The following ADAMTS3 variants were observed in gnomAD, a reference collection of about 807,000 sequenced individuals.
ADAMTS3 encodes the protein A disintegrin and metalloproteinase with thrombospondin motifs 3.
ADAMTS3 carries 73 observed loss-of-function variants against 129.0 expected under a neutral mutation model. The ratio of observed to expected loss-of-function variants is 0.57; its 90% CI spans 0.47 to 0.69. The LOEUF is 0.69. ADAMTS3 is among the 30% of genes least tolerant of loss of function. The pLI is 0.00. For missense variants in ADAMTS3, 1,457 were observed against 1,514.5 expected (o/e 0.96, Z 0.63); for synonymous variants, 477 against 510.8 (o/e 0.93, Z 0.89).
chr4:72,290,888 G>A lies in ADAMTS3; in HGVS notation c.2898C>T (p.Cys966=), dbSNP rs1201168351. 3.0e-5 allele frequency: 49 copies of A among 1,613,826 alleles called. No individual in the cohort carries two copies. Among genetic ancestry groups the A allele is most frequent in the Non-Finnish European group, 4.1e-5 (48 of 1,179,938 alleles). ...AGGGTCCTGTTTTCCACTGTGCAGG[G>A]CAGGGCACTCTGTTACAGGGCCGGC... ...ESRRPCNRVP[C]PAQWKTGPWS... Residue 966 remains cysteine (C), a synonymous_variant, in exon 20 of 22, where the codon TGC becomes TGT. Coordinates refer to ENST00000286657, the MANE Select transcript of ADAMTS3 (RefSeq NM_014243.3).
rs1720744129 is a variant in ADAMTS3 at position 72,524,065 on chromosome 4, A to ATT, written c.504+24411_504+24412dup. ...GCAATCCTTATTTCCCAAGTGTTTA[A>ATT]TTTTGTTTAGCTCATATACTTGAAA... On this transcript the variant is annotated intron_variant, in intron 3 of 21. Coordinates refer to ENST00000286657, the MANE Select transcript of ADAMTS3 (RefSeq NM_014243.3). Among the ~76,000 whole-genome samples, 5 of 152,228 alleles carry ATT rather than the reference A, an allele frequency of 3.3e-5. No individual in the cohort carries two copies. The South Asian group carries it at 1.0e-3, about 32-fold the overall frequency.
intron 17 of ADAMTS3, 118 bp downstream of exon 17, chr4:72,303,799 A>G: frequency 9.7e-7 from 1 of 1,029,144 alleles, no homozygotes; most frequent in Non-Finnish European, 1.4e-6. Context: ...TATTTTAAAA[A>G]GCAACTCATG....
intron 9 of ADAMTS3, 138 bp downstream of exon 9, chr4:72,319,194 G>T: frequency 1.9e-6 from 2 of 1,045,744 alleles, no homozygotes; most frequent in Non-Finnish European, 2.8e-6. Flanking sequence ...TGTGCTGAAT[G>T]TTCTAAGTCA....
At chr4:72,342,530 AT>A (rs1438251518) in intron 4 of ADAMTS3, among the ~76,000 whole-genome samples, 54 of 151,438 alleles carry the variant, frequency 3.6e-4, no homozygotes, top group Admixed American at 3.5e-3. Flanking sequence ...TGCCCAGCTA[AT>A]TTTTTTTCTT....
At chr4:72,566,170 G>A (rs1722016092) in intron 2 of ADAMTS3, among the ~76,000 whole-genome samples, 1 of 152,070 alleles carries the variant, frequency 6.6e-6, no homozygotes, top group South Asian at 2.1e-4. Context: ...TTGCCGTCGA[G>A]GTCTAAGCTT....
intron 3 of ADAMTS3, among the ~76,000 whole-genome samples, chr4:72,463,550 C>A (rs1259137329): frequency 6.6e-6 from 1 of 151,876 alleles, no homozygotes; most frequent in East Asian, 2.0e-4. Context: ...TTCCACAGCT[C>A]CTCCAATTTC....
At chr4:72,305,823 C>CACATATACGTATGCACATGTACGT (rs1491355289) in intron 16 of ADAMTS3, among the ~76,000 whole-genome samples, 164 bp downstream of exon 16, 24 of 151,156 alleles carry the variant, frequency 1.6e-4, no homozygotes, top group African/African-American at 4.9e-4. Context: ...CACATGTACG[C>CACATATACGTATGCACATGTACGT]ACATATACGT....
intron 3 of ADAMTS3, among the ~76,000 whole-genome samples, chr4:72,490,617 T>G (rs1417874697): frequency 6.6e-6 from 1 of 151,908 alleles, no homozygotes; most frequent in Non-Finnish European, 1.5e-5. Flanking sequence ...CTTTTCCACA[T>G]TATGTATTCT....
At position 72,411,105 on chromosome 4, in the gene ADAMTS3, A is replaced by C. The variant is rs533647835; in HGVS notation, c.661+3710T>G. ...TTTTGACTTAAAAAAACATATTTTT[A>C]AACAACTCTTCATATGTTTCACATT... On this transcript the variant is annotated intron_variant, in intron 4 of 21. Coordinates refer to ENST00000286657, the MANE Select transcript of ADAMTS3 (RefSeq NM_014243.3). Among the ~76,000 whole-genome samples the C allele has an allele frequency of 6.6e-5, 10 of 152,280 alleles. No individual in the cohort carries two copies. The East Asian group carries it at 1.5e-3, about 24-fold the overall frequency.
At chr4:72,327,588 G>C (rs1490460295) in intron 5 of ADAMTS3, among the ~76,000 whole-genome samples, 2 of 152,156 alleles carry the variant, frequency 1.3e-5, no homozygotes, top group Non-Finnish European at 2.9e-5. Context: ...GCCCAGAGAA[G>C]TTAAGTAACT....
intron 3 of ADAMTS3, among the ~76,000 whole-genome samples, chr4:72,512,386 G>A (rs1720340166): frequency 6.6e-6 from 1 of 152,084 alleles, no homozygotes; most frequent in East Asian, 1.9e-4. Flanking sequence ...CAGCTACTCG[G>A]GAGGCTGAGG....
At chr4:72,455,899 GTA>G (rs1353189969) in intron 3 of ADAMTS3, among the ~76,000 whole-genome samples, 1 of 102,884 alleles carries the variant, frequency 9.7e-6, no homozygotes, top group African/African-American at 4.4e-5. Context: ...TTTATATATA[GTA>G]TATACACTGT....
intron 3 of ADAMTS3, among the ~76,000 whole-genome samples, chr4:72,526,666 C>T (rs1720816229): frequency 8.5e-6 from 1 of 118,036 alleles, no homozygotes; most frequent in Admixed American, 9.3e-5. Context: ...TTTTATATAA[C>T]CATATACACA....
chr4:72,391,236 A>G (rs1721586533), intron 4 of ADAMTS3, among the ~76,000 whole-genome samples: 1 of 152,232 alleles, frequency 6.6e-6, no homozygotes, highest in South Asian at 2.1e-4. Flanking sequence ...ATTGTATATT[A>G]CGTGTATATT....
chr4:72,431,250 C>A (rs1473573354), intron 3 of ADAMTS3, among the ~76,000 whole-genome samples: 4 of 151,904 alleles, frequency 2.6e-5, no homozygotes, highest in Non-Finnish European at 5.9e-5. Context: ...ATTTTTGAAA[C>A]CCTGCTATGG....
At chr4:72,455,325 G>T (rs750091655) in intron 3 of ADAMTS3, among the ~76,000 whole-genome samples, 5 of 151,486 alleles carry the variant, frequency 3.3e-5, no homozygotes, top group Non-Finnish European at 7.4e-5. Context: ...TCCTTTGCAG[G>T]GACATGGATG....
At chr4:72,318,941 G>A (rs752261956) in intron 9 of ADAMTS3, among the ~76,000 whole-genome samples, 5 of 152,064 alleles carry the variant, frequency 3.3e-5, no homozygotes, top group Non-Finnish European at 5.9e-5. Flanking sequence ...GTAGAGCCAC[G>A]ATTATTTGAG....
At chr4:72,303,820 C>T in intron 17 of ADAMTS3, 97 bp downstream of exon 17, 1 of 1,303,762 alleles carries the variant, frequency 7.7e-7, no homozygotes, top group South Asian at 1.3e-5. Context: ...TTTCAAAGTT[C>T]AAAGTACACT....
intron 4 of ADAMTS3, among the ~76,000 whole-genome samples, chr4:72,374,289 CTT>C (rs1299210763): frequency 1.6e-4 from 23 of 140,570 alleles, no homozygotes; most frequent in Admixed American, 1.4e-4. Context: ...GGAGTAACTC[CTT>C]TTTTTTTTTT....
Sources: gnomAD v4.1 joint callset for allele counts (sites outside exome capture counted in the v4.1 genomes callset) on GRCh38, gnomAD v4.1.1 for gene constraint, MANE v1.5 for transcripts, NCBI Gene and HGNC (gene_info 2026-07-23, HGNC 2026-07-21) for gene names.